ZNF148: variants seen among roughly 807,000 people sequenced by gnomAD.
The protein encoded by ZNF148 is Beta-Enolase Repressor Factor-1.
In ZNF148, 7 loss-of-function variants were observed where a neutral mutation model predicts 67.7. The observed-to-expected ratio is 0.10, with a 90% CI of 0.06 to 0.19. The LOEUF is 0.19. ZNF148 is among the 10% of genes least tolerant of loss of function. The pLI is 1.00. For missense variants in ZNF148, 583 were observed against 947.1 expected, an observed-to-expected ratio of 0.62 and a Z score of 5.05; for synonymous variants, 333 against 330.7, an observed-to-expected ratio of 1.01 and a Z score of -0.08.
chr3:125,344,614 G>T (rs1941868034), intron 1 of ZNF148: 2 of 762,950 alleles, frequency 2.6e-6, no homozygotes, highest in South Asian at 1.4e-5. Flanking sequence ...TGTCATAGAT[G>T]TACCATCTTT....
chr3:125,230,884 C>T lies in ZNF148; in HGVS notation c.*1457G>A. Reference sequence around the variant, plus strand: ...CTAATATAACTTCCAAAAATCAAAACTGCCCAACGCATAACTCAAACCATC... The same window carrying T: ...CTAATATAACTTCCAAAAATCAAAATTGCCCAACGCATAACTCAAACCATC... On this transcript the variant is annotated 3_prime_UTR_variant, in exon 9 of 9. Transcript: ENST00000360647. 1 of 152,094 alleles carries T rather than the reference C, an allele frequency of 6.6e-6. No homozygotes were observed. 9.4% of individuals were successfully genotyped at this position (152,094 alleles called of 1,614,324 possible).
At chr3:125,345,596 C>A (rs1184314522) in intron 1 of ZNF148, among the ~76,000 whole-genome samples, 4 of 151,172 alleles carry the variant, frequency 2.6e-5, no homozygotes, top group Non-Finnish European at 5.9e-5. Context: ...ACAACAACAA[C>A]AACAAAAAAA....
intron 6 of ZNF148, 51 bp downstream of exon 6, chr3:125,279,073 A>G: frequency 2.6e-6 from 4 of 1,512,906 alleles, no homozygotes; most frequent in Non-Finnish European, 3.6e-6. Flanking sequence ...GATGAAAATA[A>G]CAAAGATAAT....
At chr3:125,331,083 T>C (rs1057010921) in intron 2 of ZNF148, 75 bp downstream of exon 2, 10 of 398,276 alleles carry the variant, frequency 2.5e-5, no homozygotes, top group Middle Eastern at 6.2e-4. Flanking sequence ...CCAACAGTTA[T>C]TGTAAGTATG....
intron 1 of ZNF148, among the ~76,000 whole-genome samples, chr3:125,351,242 C>T (rs553505089): frequency 1.3e-5 from 2 of 151,974 alleles, no homozygotes; most frequent in Admixed American, 6.6e-5. Context: ...ATTAGCCAGG[C>T]GTGGTGGCAG....
chr3:125,360,854 A>T (rs912619090), intron 1 of ZNF148, among the ~76,000 whole-genome samples: 16 of 149,416 alleles, frequency 1.1e-4, no homozygotes, highest in African/African-American at 2.4e-4. Flanking sequence ...AAAATTAAAA[A>T]ATATATATAT....
chr3:125,272,104 T>C (rs1313871306), intron 7 of ZNF148, among the ~76,000 whole-genome samples: 1 of 152,196 alleles, frequency 6.6e-6, no homozygotes, highest in Non-Finnish European at 1.5e-5. Context: ...AACACATGGA[T>C]TACAAAGCCT....
chr3:125,316,256 A>C (rs1244669401), intron 3 of ZNF148, among the ~76,000 whole-genome samples: 1 of 152,200 alleles, frequency 6.6e-6, no homozygotes, highest in Non-Finnish European at 1.5e-5. Flanking sequence ...GTTCACAGAC[A>C]CTTAGGTGGC....
chr3:125,322,285 C>T (rs1940816359), intron 3 of ZNF148, among the ~76,000 whole-genome samples: 1 of 151,938 alleles, frequency 6.6e-6, no homozygotes, highest in Non-Finnish European at 1.5e-5. Flanking sequence ...CTCAGCCTGC[C>T]AGCCTGCTGG....
intron 7 of ZNF148, among the ~76,000 whole-genome samples, chr3:125,249,292 A>G (rs549197346): frequency 1.8e-4 from 28 of 152,336 alleles, no homozygotes; most frequent in African/African-American, 6.5e-4. Flanking sequence ...AATATCCAAA[A>G]TGCAAAAGGA....
At chr3:125,303,891 G>A (rs906293055) in intron 4 of ZNF148, among the ~76,000 whole-genome samples, 7 of 151,886 alleles carry the variant, frequency 4.6e-5, no homozygotes, top group Non-Finnish European at 7.4e-5. Context: ...ATACACTGTC[G>A]CAATGTGAAT....
chr3:125,285,595 T>C (rs902023104), intron 5 of ZNF148, among the ~76,000 whole-genome samples: 2 of 151,860 alleles, frequency 1.3e-5, no homozygotes, highest in African/African-American at 2.4e-5. Flanking sequence ...GGTTCCACAA[T>C]GTTGCCCAGG....
At chr3:125,351,750 A>G (rs1175361067) in intron 1 of ZNF148, among the ~76,000 whole-genome samples, 1 of 152,234 alleles carries the variant, frequency 6.6e-6, no homozygotes, top group East Asian at 1.9e-4. Flanking sequence ...ATCAGAAGAC[A>G]TTTCTCCAAA....
chr3:125,315,981 C>T (rs768593556), intron 3 of ZNF148, among the ~76,000 whole-genome samples: 3 of 152,030 alleles, frequency 2.0e-5, no homozygotes, highest in Non-Finnish European at 4.4e-5. Flanking sequence ...TTTGTGTGTG[C>T]CCATTAACTA....
intron 7 of ZNF148, among the ~76,000 whole-genome samples, chr3:125,253,332 T>C (rs183462288): frequency 6.6e-6 from 1 of 152,336 alleles, no homozygotes; most frequent in African/African-American, 2.4e-5. Flanking sequence ...TGACCTTGTA[T>C]ACAGTGATAA....
chr3:125,234,113 G>A (rs904441560), intron 8 of ZNF148, 98 bp downstream of exon 8: 1 of 1,203,516 alleles, frequency 8.3e-7, no homozygotes, highest in East Asian at 2.6e-5. Context: ...GAGTTAGAAG[G>A]CCCCTTAAAT....
At chr3:125,352,559 T>C (rs1942190797) in intron 1 of ZNF148, among the ~76,000 whole-genome samples, 2 of 152,192 alleles carry the variant, frequency 1.3e-5, no homozygotes, top group Admixed American at 1.3e-4. Context: ...ATAACACCGT[T>C]TAAGGAAAAC....
intron 1 of ZNF148, among the ~76,000 whole-genome samples, chr3:125,340,498 C>G (rs1279494452): frequency 1.3e-5 from 2 of 152,170 alleles, no homozygotes; most frequent in Non-Finnish European, 1.5e-5. Flanking sequence ...TAGGTGGGTC[C>G]CACCATAATC....
chr3:125,345,604 A>AAG (rs1941912747), intron 1 of ZNF148, among the ~76,000 whole-genome samples: 1 of 152,128 alleles, frequency 6.6e-6, no homozygotes, highest in South Asian at 2.1e-4. Flanking sequence ...AACAACAAAA[A>AAG]AAGACAAACA....
Sources: allele counts gnomAD v4.1 joint callset (sites outside exome capture counted in the v4.1 genomes callset), GRCh38; gene constraint gnomAD v4.1.1; transcripts MANE v1.5; gene names NCBI Gene and HGNC (gene_info 2026-07-23, HGNC 2026-07-21).